Variants in CPNE4 observed in about 807,000 individuals in gnomAD.
CPNE4 encodes the protein copine 4.
CPNE4 carries 25 observed loss-of-function variants against 67.9 expected under a neutral mutation model. The ratio of observed to expected loss-of-function variants is 0.37; its 90% CI spans 0.27 to 0.51. The LOEUF (loss-of-function observed/expected upper bound fraction) is 0.51, where lower values mean the gene tolerates loss of function less well. Among genes scored for constraint, CPNE4 ranks in the 20% least tolerant of loss-of-function variants. CPNE4 has a pLI of 0.93. For missense variants in CPNE4, 464 were observed against 690.8 expected (o/e 0.67, Z 3.68); for synonymous variants, 242 against 244.9 (o/e 0.99, Z 0.11).
intron 5 of CPNE4, among the ~76,000 whole-genome samples, chr3:131,689,066 T>C (rs1344079489): frequency 5.3e-5 from 8 of 152,212 alleles, no homozygotes; most frequent in Middle Eastern, 3.2e-3. Flanking sequence ...AGGTCAAGAA[T>C]GGCCTCTGTC....
chr3:131,730,555 G>A (rs2082104063), intron 2 of CPNE4, among the ~76,000 whole-genome samples: 2 of 152,176 alleles, frequency 1.3e-5, no homozygotes, highest in Non-Finnish European at 2.9e-5. Flanking sequence ...GATTGTGGCA[G>A]AAGTAATTAA....
chr3:131,972,385 A>G (rs2072527852), intron 1 of CPNE4, among the ~76,000 whole-genome samples: 1 of 152,190 alleles, frequency 6.6e-6, no homozygotes, highest in Admixed American at 6.5e-5. Context: ...GTTTCTTTGT[A>G]TGAGGTAAAG....
intron 7 of CPNE4, among the ~76,000 whole-genome samples, chr3:131,625,387 AGG>A (rs1438733475): frequency 6.6e-6 from 1 of 152,194 alleles, no homozygotes; most frequent in Non-Finnish European, 1.5e-5. Flanking sequence ...CCATTATTTC[AGG>A]TCCTACTATA....
intron 1 of CPNE4, among the ~76,000 whole-genome samples, chr3:131,976,081 G>GTT (rs59067649): frequency 0.47 from 63,735 of 136,474 alleles, 15,686 homozygotes; most frequent in Non-Finnish European, 0.54. Context: ...AATATTGTTG[G>GTT]TTTTTTTTTT....
Position 131,555,487 on chromosome 3 carries a change from A to C in CPNE4, c.1116+10T>G. On this transcript the variant is annotated intron_variant, in intron 12 of 15. Coordinates refer to ENST00000429747, the MANE Select transcript of CPNE4 (RefSeq NM_130808.3). ...TGAAGTGGAAGAAGATCACATCTCCACTCACTCACCGTGTACTCTGGAGGT... is the reference window on the plus strand; with the variant it reads ...TGAAGTGGAAGAAGATCACATCTCCCCTCACTCACCGTGTACTCTGGAGGT... 1 of 1,611,088 alleles carries C rather than the reference A, an allele frequency of 6.2e-7. No individual in the cohort carries two copies.
chr3:131,960,377 A>G (rs970532604), intron 1 of CPNE4, among the ~76,000 whole-genome samples: 4 of 152,176 alleles, frequency 2.6e-5, no homozygotes, highest in African/African-American at 9.7e-5. Flanking sequence ...AACTTTAGAG[A>G]TAGATGGTAA....
At chr3:131,931,091 T>C (rs7610136) in intron 1 of CPNE4, among the ~76,000 whole-genome samples, 54,456 of 151,836 alleles carry the variant, frequency 0.36, 10,372 homozygotes, top group African/African-American at 0.47. Context: ...ACAACTTACA[T>C]TTACTCATTC....
intron 2 of CPNE4, among the ~76,000 whole-genome samples, chr3:131,743,945 AG>A (rs1296605766): frequency 1.7e-5 from 2 of 114,544 alleles, no homozygotes; most frequent in Admixed American, 1.2e-4. Context: ...CCTGGGCGAC[AG>A]AGCGAGACTC....
intron 2 of CPNE4, among the ~76,000 whole-genome samples, chr3:131,825,343 A>G (rs2085114135): frequency 6.6e-6 from 1 of 152,044 alleles, no homozygotes; most frequent in South Asian, 2.1e-4. Context: ...TAAAAATACA[A>G]AAATTAGCTG....
Position 131,857,854 on chromosome 3 carries a change from C to A in CPNE4, c.180+47410G>T, listed in dbSNP as rs114590784. On this transcript the variant is annotated intron_variant, in intron 2 of 15. Coordinates refer to ENST00000429747, the MANE Select transcript of CPNE4 (RefSeq NM_130808.3). Reference sequence around the variant, plus strand: ...CCAATACAATCCTCATTTCTCCTAACAACATAGCAATTTCCAGCAGGTGTT... The same window carrying A: ...CCAATACAATCCTCATTTCTCCTAAAAACATAGCAATTTCCAGCAGGTGTT... Among the ~76,000 whole-genome samples the A allele has an allele frequency of 3.5e-3, 537 of 151,986 alleles. 2 individuals are homozygous for A. The highest frequency in any genetic ancestry group is 0.013 in the African/African-American group (525 of 41,470).
At chr3:131,696,412 A>T in intron 5 of CPNE4, 130 bp downstream of exon 5, 1 of 746,890 alleles carries the variant, frequency 1.3e-6, no homozygotes, top group African/African-American at 1.8e-5. Flanking sequence ...TACTTTGTAG[A>T]CCTCTCTGAA....
At chr3:131,610,192 G>A (rs1323004468) in intron 7 of CPNE4, among the ~76,000 whole-genome samples, 1 of 152,032 alleles carries the variant, frequency 6.6e-6, no homozygotes, top group African/African-American at 2.4e-5. Context: ...TGATGAACAA[G>A]GCAGCCATTG....
chr3:131,867,480 A>G (rs1475606247), intron 2 of CPNE4, among the ~76,000 whole-genome samples: 4 of 151,898 alleles, frequency 2.6e-5, no homozygotes, highest in Non-Finnish European at 4.4e-5. Context: ...ATGTTGAATG[A>G]GCCACTGTGA....
intron 2 of CPNE4, among the ~76,000 whole-genome samples, chr3:131,775,922 G>C (rs1289505113): frequency 6.6e-6 from 1 of 152,170 alleles, no homozygotes; most frequent in African/African-American, 2.4e-5. Context: ...AAAGGCACAA[G>C]AAATGCACCA....
chr3:132,029,177 T>A (rs900420812), intron 1 of CPNE4, among the ~76,000 whole-genome samples: 2 of 152,066 alleles, frequency 1.3e-5, no homozygotes, highest in Non-Finnish European at 2.9e-5. Flanking sequence ...CAGGCCCAAG[T>A]GTAAGGAAAC....
intron 2 of CPNE4, among the ~76,000 whole-genome samples, chr3:131,872,714 C>A (rs1361758270): frequency 6.6e-6 from 1 of 152,136 alleles, no homozygotes; most frequent in African/African-American, 2.4e-5. Flanking sequence ...CTGTCTCTCT[C>A]TTTATCTCTC....
intron 1 of CPNE4, among the ~76,000 whole-genome samples, chr3:131,952,562 AGGGAGGTGGGGGGG>A (rs2071787372): frequency 1.1e-5 from 1 of 88,900 alleles, no homozygotes; most frequent in African/African-American, 5.0e-5. Flanking sequence ...CCCATCCGGG[AGGGAGGTGGGGGGG>A]TCAGCACCCC....
rs558655052 is a variant in CPNE4 at position 131,769,797 on chromosome 3, T to G, written c.181-46172A>C. On this transcript the variant is annotated intron_variant, in intron 2 of 15. Coordinates refer to ENST00000429747, the MANE Select transcript of CPNE4 (RefSeq NM_130808.3). ...TTATTTTGGGTTGAACTATGAGTGA[T>G]TTTTTGTCTATCCCACCTTTGAAAT... is the stretch of plus-strand genomic sequence containing the variant. Among the ~76,000 whole-genome samples the G allele has an allele frequency of 7.2e-5, 11 of 152,266 alleles. No individual in the cohort carries two copies. The South Asian group carries it at 2.3e-3, about 32-fold the overall frequency.
chr3:131,878,651 A>G (rs997748821), intron 2 of CPNE4, among the ~76,000 whole-genome samples: 1 of 152,244 alleles, frequency 6.6e-6, no homozygotes, highest in African/African-American at 2.4e-5. Context: ...CATTCCTCCA[A>G]AGAAAGACTT....
Sources: gnomAD v4.1 joint callset for allele counts (sites outside exome capture counted in the v4.1 genomes callset) on GRCh38, gnomAD v4.1.1 for gene constraint, MANE v1.5 for transcripts, NCBI Gene and HGNC (gene_info 2026-07-23, HGNC 2026-07-21) for gene names.